Variants in GRIK4 observed in about 807,000 individuals in gnomAD.
GRIK4 encodes glutamate ionotropic receptor kainate type subunit 4.
A neutral mutation model predicts 104.9 loss-of-function variants in GRIK4; 40 were observed. That is an observed-to-expected ratio of 0.38 (90% CI 0.30 to 0.50). GRIK4 has a LOEUF of 0.50. GRIK4 is among the 20% of genes least tolerant of loss of function. The pLI, the probability that GRIK4 is intolerant of heterozygous loss-of-function variation, is 0.93. For missense variants in GRIK4, 1,047 were observed against 1,308.1 expected (o/e 0.80, Z 3.08); for synonymous variants, 485 against 524.9 (o/e 0.92, Z 1.04).
At chr11:120,532,598 T>A (rs1211734881) in intron 1 of GRIK4, among the ~76,000 whole-genome samples, 3 of 152,222 alleles carry the variant, frequency 2.0e-5, no homozygotes, top group Non-Finnish European at 2.9e-5. Flanking sequence ...TTTTTCTTGC[T>A]CTAGTGTGGA....
chr11:120,742,741 T>C lies in GRIK4; in HGVS notation c.83-59952T>C, dbSNP rs184815302. 2.7e-4 allele frequency among the ~76,000 whole-genome samples: 41 copies of C among 152,288 alleles called. No homozygotes were observed. The East Asian group carries it at 7.9e-3, about 29-fold the overall frequency. ...AAGAGCTAAAAGCAGAATTACCATT[T>C]TACTCAACAATCCCATTACTGGGTA... On this transcript the variant is annotated intron_variant, in intron 3 of 20. Transcript: ENST00000527524.
At chr11:120,924,969 A>G (rs950840058) in intron 13 of GRIK4, among the ~76,000 whole-genome samples, 4 of 152,204 alleles carry the variant, frequency 2.6e-5, no homozygotes, top group Admixed American at 1.3e-4. Flanking sequence ...GGAAATGAGA[A>G]GGGGCCAGAT....
At chr11:120,944,880 A>T (rs566841084) in intron 14 of GRIK4, among the ~76,000 whole-genome samples, 2 of 151,682 alleles carry the variant, frequency 1.3e-5, no homozygotes, top group Non-Finnish European at 2.9e-5. Context: ...ATGAGAATAC[A>T]TATGTAATAC....
chr11:120,735,700 A>AT (rs1951209907), intron 3 of GRIK4, among the ~76,000 whole-genome samples: 1 of 150,548 alleles, frequency 6.6e-6, no homozygotes, highest in Non-Finnish European at 1.5e-5. Context: ...TGAAAAAAAA[A>AT]GCCTTAGAAA....
intron 8 of GRIK4, among the ~76,000 whole-genome samples, chr11:120,847,076 C>T (rs999514711): frequency 3.9e-5 from 6 of 152,212 alleles, no homozygotes; most frequent in African/African-American, 1.4e-4. Flanking sequence ...AAATCCAGTT[C>T]GTGCCAAGGT....
chr11:120,757,339 G>A (rs1951671471), intron 3 of GRIK4, among the ~76,000 whole-genome samples: 1 of 152,244 alleles, frequency 6.6e-6, no homozygotes, highest in Admixed American at 6.5e-5. Context: ...CCAAACCTCA[G>A]CTCTGTCTCT....
At chr11:120,699,837 G>A (rs183275223) in intron 3 of GRIK4, among the ~76,000 whole-genome samples, 6 of 152,276 alleles carry the variant, frequency 3.9e-5, no homozygotes, top group Admixed American at 2.0e-4. Context: ...TGGCCAGCTC[G>A]GGGCATGCCC....
intron 1 of GRIK4, among the ~76,000 whole-genome samples, chr11:120,588,999 G>A (rs933005459): frequency 3.5e-4 from 53 of 152,158 alleles, no homozygotes; most frequent in Non-Finnish European, 6.8e-4. Context: ...AAATAACGAG[G>A]AGGCTTTATG....
intron 1 of GRIK4, among the ~76,000 whole-genome samples, chr11:120,645,704 T>G (rs965688295): frequency 1.3e-5 from 2 of 152,180 alleles, no homozygotes; most frequent in Admixed American, 1.3e-4. Flanking sequence ...CCAGCTGTGG[T>G]CTGGAAGCAC....
At chr11:120,846,397 A>G (rs1438845866) in intron 8 of GRIK4, among the ~76,000 whole-genome samples, 1 of 152,138 alleles carries the variant, frequency 6.6e-6, no homozygotes, top group African/African-American at 2.4e-5. Flanking sequence ...TATTAATGTG[A>G]GGTGTGGCAG....
chr11:120,660,218 C>A, intron 2 of GRIK4, 51 bp from the exon 3 acceptor site: 2 of 787,218 alleles, frequency 2.5e-6, no homozygotes, highest in Non-Finnish European at 2.2e-6. Context: ...GGTGGGGCAG[C>A]TGCCTAGCTG....
At chr11:120,565,018 C>T (rs904620816) in intron 1 of GRIK4, among the ~76,000 whole-genome samples, 2 of 152,232 alleles carry the variant, frequency 1.3e-5, no homozygotes, top group Admixed American at 1.3e-4. Context: ...AGCCGCCCAC[C>T]TCCTGTCCCG....
At chr11:120,717,206 G>A (rs2135367654) in intron 3 of GRIK4, among the ~76,000 whole-genome samples, 1 of 152,290 alleles carries the variant, frequency 6.6e-6, no homozygotes, top group Middle Eastern at 3.4e-3. Context: ...TCAGGCTGGG[G>A]TCACAGCCAT....
chr11:120,788,567 AG>A (rs1487916508), intron 3 of GRIK4, among the ~76,000 whole-genome samples: 1 of 152,090 alleles, frequency 6.6e-6, no homozygotes, highest in Non-Finnish European at 1.5e-5. Flanking sequence ...TATGAGTAAA[AG>A]GAAAAAAAGG....
intron 1 of GRIK4, among the ~76,000 whole-genome samples, chr11:120,552,491 C>A (rs1948149488): frequency 6.6e-6 from 1 of 152,114 alleles, no homozygotes; most frequent in Admixed American, 6.5e-5. Context: ...CATACCATGG[C>A]AGCCTGAGGG....
intron 1 of GRIK4, among the ~76,000 whole-genome samples, chr11:120,639,231 G>A (rs1449787859): frequency 6.6e-6 from 1 of 152,104 alleles, no homozygotes; most frequent in Non-Finnish European, 1.5e-5. Flanking sequence ...TAAAAGCAGA[G>A]GTCAGTGTCT....
At chr11:120,698,441 C>T (rs1282165267) in intron 3 of GRIK4, among the ~76,000 whole-genome samples, 2 of 152,206 alleles carry the variant, frequency 1.3e-5, no homozygotes, top group Non-Finnish European at 2.9e-5. Flanking sequence ...GAGCCCTGGG[C>T]TCCTCATAGG....
intron 12 of GRIK4, among the ~76,000 whole-genome samples, chr11:120,904,533 G>A (rs1458109785): frequency 1.3e-5 from 2 of 152,184 alleles, no homozygotes; most frequent in Non-Finnish European, 2.9e-5. Flanking sequence ...TCGCAGCCTT[G>A]CGTCTTTAAA....
chr11:120,737,611 T>C (rs1435230787), intron 3 of GRIK4, among the ~76,000 whole-genome samples: 1 of 152,014 alleles, frequency 6.6e-6, no homozygotes, highest in African/African-American at 2.4e-5. Context: ...GAGGAATCCG[T>C]AAATTAAAAG....
Sources: allele counts gnomAD v4.1 joint callset (sites outside exome capture counted in the v4.1 genomes callset), GRCh38; gene constraint gnomAD v4.1.1; transcripts MANE v1.5; gene names NCBI Gene and HGNC (gene_info 2026-07-23, HGNC 2026-07-21).